The following NTRK2 variants were observed in gnomAD, a reference collection of about 807,000 sequenced individuals.
The protein encoded by NTRK2 is BDNF/NT-3 growth factors receptor.
A neutral mutation model predicts 94.5 loss-of-function variants in NTRK2; 13 were observed. That is an observed-to-expected ratio of 0.14 (90% CI 0.09 to 0.22). The LOEUF is 0.22. NTRK2 is among the 10% of genes least tolerant of loss of function. The probability of loss-of-function intolerance (pLI) is 1.00; values close to 1 mark genes in which losing one functional copy is unlikely to be tolerated. For missense variants in NTRK2, 639 were observed against 1,071.2 expected (o/e 0.60, Z 5.63); for synonymous variants, 372 against 407.4 (o/e 0.91, Z 1.05).
intron 14 of NTRK2, among the ~76,000 whole-genome samples, chr9:84,910,032 A>G (rs138255387): frequency 2.6e-5 from 4 of 152,164 alleles, no homozygotes; most frequent in African/African-American, 7.2e-5. Flanking sequence ...GGTTATCTCT[A>G]TATTTATTTT....
chr9:84,832,588 A>G (rs1031226168), intron 12 of NTRK2, among the ~76,000 whole-genome samples: 1 of 152,164 alleles, frequency 6.6e-6, no homozygotes, highest in African/African-American at 2.4e-5. Context: ...TAATCACATG[A>G]TGCAGCATCG....
At chr9:84,732,726 G>T (rs1340595720) in intron 9 of NTRK2, among the ~76,000 whole-genome samples, 1 of 152,188 alleles carries the variant, frequency 6.6e-6, no homozygotes, top group Non-Finnish European at 1.5e-5. Context: ...CAGGTGAAAG[G>T]GGGTGGAGAA....
rs546558243 is a variant in NTRK2, at chr9:84,692,372, C to T, written c.213-9787C>T. 4.6e-5 allele frequency among the ~76,000 whole-genome samples: 7 copies of T among 151,914 alleles called. No individual in the cohort carries two copies. In the South Asian group the frequency reaches 1.2e-3, roughly 27 times the overall value. ...GAAGAAGTTTGCAAAGTTTCCAGAA[C>T]AGGTAAAAGTAACTTAAAGACATTG... On this transcript the variant is annotated intron_variant, in intron 2 of 18. Coordinates refer to ENST00000277120, the MANE Select transcript of NTRK2 (RefSeq NM_006180.6).
intron 14 of NTRK2, chr9:84,872,910 C>A (rs150503317): frequency 1.9e-6 from 2 of 1,065,244 alleles, no homozygotes; most frequent in African/African-American, 3.3e-5. Context: ...CCACAGCCCA[C>A]TTCGTCCTTG....
chr9:84,808,417 C>A (rs923090214), intron 12 of NTRK2, among the ~76,000 whole-genome samples: 7 of 152,192 alleles, frequency 4.6e-5, no homozygotes, highest in Non-Finnish European at 1.0e-4. Context: ...GTCAACAAAT[C>A]TTTTTATTCT....
intron 12 of NTRK2, among the ~76,000 whole-genome samples, chr9:84,832,727 C>T (rs2073634502): frequency 6.6e-6 from 1 of 152,210 alleles, no homozygotes; most frequent in Admixed American, 6.5e-5. Context: ...CTGCCTTCTC[C>T]TTCATTTCAC....
chr9:84,912,961 C>T (rs2077286834), intron 14 of NTRK2, among the ~76,000 whole-genome samples: 1 of 152,154 alleles, frequency 6.6e-6, no homozygotes, highest in Non-Finnish European at 1.5e-5. Flanking sequence ...TTGTAGATAG[C>T]ATATAGTCAG....
intron 2 of NTRK2, among the ~76,000 whole-genome samples, chr9:84,697,532 G>C (rs2060459384): frequency 6.6e-6 from 1 of 152,244 alleles, no homozygotes; most frequent in African/African-American, 2.4e-5. Flanking sequence ...TTTAACAGGG[G>C]CAGTGGGGAG....
chr9:85,013,398 G>A (rs918078122), intron 17 of NTRK2, among the ~76,000 whole-genome samples: 2 of 152,096 alleles, frequency 1.3e-5, no homozygotes, highest in African/African-American at 4.8e-5. Context: ...TGCCTCCCGG[G>A]TTCAAACGGT....
intron 14 of NTRK2, chr9:84,877,800 T>A: frequency 9.5e-7 from 1 of 1,050,364 alleles, no homozygotes. Context: ...TTTATCTATA[T>A]GATCTGTCCG....
chr9:84,975,551 G>A (rs779237783), intron 17 of NTRK2, among the ~76,000 whole-genome samples: 6 of 152,186 alleles, frequency 3.9e-5, no homozygotes, highest in Non-Finnish European at 7.3e-5. Context: ...TGCAGCAGCC[G>A]CTGTCCTGTG....
intron 14 of NTRK2, among the ~76,000 whole-genome samples, chr9:84,882,403 C>T (rs2076280562): frequency 6.6e-6 from 1 of 152,180 alleles, no homozygotes; most frequent in Admixed American, 6.5e-5. Context: ...AAGGCCAGGC[C>T]AGAGTCTCAA....
At chr9:84,888,549 G>A (rs2076486651) in intron 14 of NTRK2, among the ~76,000 whole-genome samples, 1 of 136,582 alleles carries the variant, frequency 7.3e-6, no homozygotes, top group South Asian at 2.6e-4. Context: ...GGAGGCAGAG[G>A]TTGCAGTGAG....
chr9:84,954,357 G>A (rs1489445596), intron 16 of NTRK2, among the ~76,000 whole-genome samples: 1 of 152,218 alleles, frequency 6.6e-6, no homozygotes, highest in Admixed American at 6.5e-5. Flanking sequence ...CTAAGACGCG[G>A]ATCCTCCCAC....
At chr9:84,815,313 G>T in intron 12 of NTRK2, 1 of 1,048,946 alleles carries the variant, frequency 9.5e-7, no homozygotes, top group Non-Finnish European at 1.2e-6. Flanking sequence ...GGGTTTTTAT[G>T]GGGAAAAAAA....
At chr9:84,967,040 C>A (rs777033583) in intron 17 of NTRK2, among the ~76,000 whole-genome samples, 2 of 152,182 alleles carry the variant, frequency 1.3e-5, no homozygotes, top group Non-Finnish European at 2.9e-5. Flanking sequence ...TTCATTGAAC[C>A]ATGACATTTC....
At chr9:84,992,040 G>A (rs957353485) in intron 17 of NTRK2, among the ~76,000 whole-genome samples, 2 of 152,170 alleles carry the variant, frequency 1.3e-5, no homozygotes, top group African/African-American at 4.8e-5. Context: ...CCCAGTGAGG[G>A]AGGTGCTGGA....
At chr9:84,887,024 G>A (rs982375260) in intron 14 of NTRK2, among the ~76,000 whole-genome samples, 4 of 152,166 alleles carry the variant, frequency 2.6e-5, no homozygotes, top group Non-Finnish European at 4.4e-5. Context: ...GTCTAAACGC[G>A]CTGAGGGTAA....
intron 14 of NTRK2, among the ~76,000 whole-genome samples, chr9:84,908,140 A>G (rs920664246): frequency 1.3e-5 from 2 of 152,340 alleles, no homozygotes; most frequent in South Asian, 4.1e-4. Flanking sequence ...GGACCCTTCA[A>G]ACAAAGGAGT....
Sources: gnomAD v4.1 joint callset for allele counts (sites outside exome capture counted in the v4.1 genomes callset) on GRCh38, gnomAD v4.1.1 for gene constraint, MANE v1.5 for transcripts, NCBI Gene and HGNC (gene_info 2026-07-23, HGNC 2026-07-21) for gene names.